SNHG17: variants seen among roughly 807,000 people sequenced by gnomAD.
The protein encoded by SNHG17 is small nucleolar RNA host gene 17.
intron 1 of SNHG17, chr20:38,435,105 C>G (rs1163177796): frequency 2.4e-6 from 3 of 1,232,298 alleles, no homozygotes; most frequent in Non-Finnish European, 3.0e-6. Context: ...GCACCAAGGA[C>G]AGGGCCTGAC....
chr20:38,424,182 A>AT lies in SNHG17; in HGVS notation n.579+1752dup, dbSNP rs1555850499. ...AAGACTGGGTCTCAAAAAAAAAAAAATTAAAAAAAAAAGAAAAAAAGGATG... is the reference window on the plus strand; with the variant it reads ...AAGACTGGGTCTCAAAAAAAAAAAAATTTAAAAAAAAAAGAAAAAAAGGATG... On this transcript the variant is annotated intron_variant and non_coding_transcript_variant, in intron 5 of 8. Transcript: ENST00000654008. 1.0e-3 allele frequency among the ~76,000 whole-genome samples: 133 copies of AT among 132,218 alleles called. 3 individuals are homozygous for AT. In the South Asian group the frequency reaches 0.028, roughly 28 times the overall value. 86.7% of individuals were successfully genotyped at this position (132,218 alleles called of 152,430 possible).
intron 2 of SNHG17, chr20:38,434,076 G>C (rs182397696): frequency 2.0e-6 from 1 of 492,368 alleles, no homozygotes; most frequent in Non-Finnish European, 4.1e-6. Flanking sequence ...CCAGGGAAGA[G>C]AAGGGTACCC....
At chr20:38,427,724 T>C (rs1458683980) in intron 3 of SNHG17, 6 of 159,364 alleles carry the variant, frequency 3.8e-5, no homozygotes, top group Admixed American at 1.3e-4. Context: ...ACAGGTCAGA[T>C]GGCCCTTGGC....
At chr20:38,432,589 C>CA (rs1232147019) in intron 2 of SNHG17, among the ~76,000 whole-genome samples, 5 of 152,208 alleles carry the variant, frequency 3.3e-5, no homozygotes, top group Non-Finnish European at 2.9e-5. Flanking sequence ...ATGGGATGAC[C>CA]ACTGGGCCAG....
intron 5 of SNHG17, among the ~76,000 whole-genome samples, chr20:38,422,962 T>A (rs973811799): frequency 2.0e-5 from 3 of 151,764 alleles, no homozygotes; most frequent in African/African-American, 4.8e-5. Context: ...CGTGGTGGCA[T>A]GCACCTGTAA....
At chr20:38,421,521 G>A (rs1351182563) in intron 6 of SNHG17, 2 of 152,192 alleles carry the variant, frequency 1.3e-5, no homozygotes, top group Non-Finnish European at 2.9e-5. Flanking sequence ...CTGGTTTCTG[G>A]CAGGAGGATC....
At chr20:38,432,062 CA>C (rs2084349381) in intron 2 of SNHG17, 5 of 985,314 alleles carry the variant, frequency 5.1e-6, no homozygotes, top group Non-Finnish European at 6.0e-6. Flanking sequence ...CTCTCTGCAC[CA>C]ATCAGCCTCC....
At chr20:38,433,522 A>G (rs1265071981) in intron 2 of SNHG17, among the ~76,000 whole-genome samples, 1 of 152,194 alleles carries the variant, frequency 6.6e-6, no homozygotes, top group Non-Finnish European at 1.5e-5. Flanking sequence ...ACTTGAGTAC[A>G]GGAGTTCAAG....
chr20:38,432,047 T>C (rs1465486136), intron 2 of SNHG17: 3 of 985,294 alleles, frequency 3.0e-6, no homozygotes, highest in Non-Finnish European at 3.6e-6. Context: ...ATACCTCTCA[T>C]GGGCCTCTCT....
intron 5 of SNHG17, among the ~76,000 whole-genome samples, chr20:38,424,568 T>A (rs927835329): frequency 6.6e-6 from 1 of 152,214 alleles, no homozygotes; most frequent in East Asian, 1.9e-4. Context: ...ATTTACTGTT[T>A]GTCCAGGTGC....
At chr20:38,430,546 C>CG (rs1012185075) in intron 3 of SNHG17, among the ~76,000 whole-genome samples, 36 of 152,020 alleles carry the variant, frequency 2.4e-4, no homozygotes, top group Non-Finnish European at 4.6e-4. Context: ...CACTTGAACC[C>CG]GGGAGGCAGA....
chr20:38,423,582 G>A (rs1229067626), intron 5 of SNHG17, among the ~76,000 whole-genome samples: 1 of 146,208 alleles, frequency 6.8e-6, no homozygotes, highest in African/African-American at 2.5e-5. Flanking sequence ...AGCATACAAA[G>A]ATAGAGAATA....
intron 5 of SNHG17, among the ~76,000 whole-genome samples, chr20:38,424,119 G>GT (rs1731585150): frequency 2.0e-5 from 3 of 151,284 alleles, no homozygotes; most frequent in Non-Finnish European, 4.4e-5. Context: ...GCAGTGAGCC[G>GT]TGTTTGCACC....
chr20:38,423,146 C>A (rs2084186996), intron 5 of SNHG17, among the ~76,000 whole-genome samples: 1 of 151,470 alleles, frequency 6.6e-6, no homozygotes, highest in South Asian at 2.1e-4. Flanking sequence ...CCTGTAATCC[C>A]AGCACTTTTG....
At chr20:38,430,595 C>A (rs2084326488) in intron 3 of SNHG17, among the ~76,000 whole-genome samples, 2 of 152,142 alleles carry the variant, frequency 1.3e-5, no homozygotes, top group African/African-American at 2.4e-5. Context: ...GCACTCTAGC[C>A]TGGGCGACAG....
intron 3 of SNHG17, chr20:38,428,269 C>G (rs759959533): frequency 2.0e-5 from 3 of 152,246 alleles, no homozygotes; most frequent in Admixed American, 2.0e-4. Flanking sequence ...CCTGAAGGCA[C>G]AGAAGGAGGG....
intron 1 of SNHG17, chr20:38,434,866 C>CTTCCAATG: frequency 2.0e-6 from 2 of 985,444 alleles, no homozygotes; most frequent in Non-Finnish European, 2.4e-6. Context: ...GCTTTGGAGG[C>CTTCCAATG]TTCCAATGCC....
chr20:38,432,658 C>T (rs1424440268), intron 2 of SNHG17, among the ~76,000 whole-genome samples: 1 of 152,204 alleles, frequency 6.6e-6, no homozygotes, highest in Non-Finnish European at 1.5e-5. Context: ...ACTTCCCTGA[C>T]ATGCATCAAT....
intron 2 of SNHG17, chr20:38,431,914 C>A (rs2084347561): frequency 2.8e-6 from 2 of 719,680 alleles, no homozygotes; most frequent in Non-Finnish European, 3.4e-6. Context: ...CCTCTCTCTA[C>A]TTCCCAGACA....
Sources: gnomAD v4.1 joint callset for allele counts (sites outside exome capture counted in the v4.1 genomes callset) on GRCh38, gnomAD v4.1.1 for gene constraint, MANE v1.5 for transcripts, NCBI Gene and HGNC (gene_info 2026-07-23, HGNC 2026-07-21) for gene names.